ZNF777: variants seen among roughly 807,000 people sequenced by gnomAD.
The protein encoded by ZNF777 is zinc finger protein 777.
ZNF777 carries 7 observed loss-of-function variants against 72.1 expected under a neutral mutation model. That is an observed-to-expected ratio of 0.10 (90% confidence interval 0.06 to 0.18). The LOEUF (loss-of-function observed/expected upper bound fraction) is 0.18. Among genes scored for constraint, ZNF777 ranks in the 10% least tolerant of loss-of-function variants. The pLI, the probability that ZNF777 is intolerant of heterozygous loss-of-function variation, is 1.00. For missense variants in ZNF777, 828 were observed against 1,128.6 expected (o/e 0.73, Z 3.82); for synonymous variants, 545 against 483.5 (o/e 1.13, Z -1.67).
At chr7:149,438,432 G>A (rs1799454801) in intron 4 of ZNF777, among the ~76,000 whole-genome samples, 1 of 152,148 alleles carries the variant, frequency 6.6e-6, no homozygotes, top group Non-Finnish European at 1.5e-5. Context: ...TTTTGCTATG[G>A]TGAACAAATG....
In ZNF777 at chr7:149,440,589, C is replaced by A. The variant is rs1207916258; in HGVS notation, c.1088-3763G>T. Among the ~76,000 whole-genome samples, 5 of 151,214 alleles carry A rather than the reference C, an allele frequency of 3.3e-5. 1 individual carries two copies. On this transcript the variant is annotated intron_variant, in intron 4 of 5. Coordinates refer to ENST00000247930, the MANE Select transcript of ZNF777 (RefSeq NM_015694.3). ...CCCAGGTTGGTCTCAAACACCTGGA[C>A]TCAAGTGATCTTCCCATCTCGGCCT...
In ZNF777 at chr7:149,456,056, G is replaced by A. The variant is rs1799824991; in HGVS notation, c.-15-19C>T. On this transcript the variant is annotated intron_variant, in intron 1 of 5. Transcript: ENST00000247930. ...GCTGAACCTGTGTTCATGGAAGAAA[G>A]GAAAAGAGGATTAAAGGCCACAGTC... 6.6e-7 allele frequency: 1 copy of A among 1,523,000 alleles called. No individual in the cohort carries two copies. The highest frequency in any genetic ancestry group is 8.8e-7 in the Non-Finnish European group (1 of 1,135,930). 94.3% of individuals were successfully genotyped at this position (1,523,000 alleles called of 1,614,324 possible). A position where few individuals can be genotyped will look rare whatever the true frequency, so the allele number is the denominator to read the frequency against.
intron 1 of ZNF777, among the ~76,000 whole-genome samples, 176 bp from the exon 2 acceptor site, chr7:149,456,213 C>T (rs1799829509): frequency 6.6e-6 from 1 of 152,122 alleles, no homozygotes; most frequent in Non-Finnish European, 1.5e-5. Context: ...ATCAATTATA[C>T]CACTATTATG....
rs60475634 is a variant in ZNF777 at position 149,439,956 on chromosome 7, A to G, written c.1088-3130T>C. On this transcript the variant is annotated intron_variant, in intron 4 of 5. Coordinates refer to ENST00000247930, the MANE Select transcript of ZNF777 (RefSeq NM_015694.3). ...CTTATTGTAGAATGTACAGTTCAGAATCAATTTTAGTCTTTTTCATTTTTA... is the reference window on the plus strand; with the variant it reads ...CTTATTGTAGAATGTACAGTTCAGAGTCAATTTTAGTCTTTTTCATTTTTA... 2.7e-3 allele frequency among the ~76,000 whole-genome samples: 409 copies of G among 152,336 alleles called. 4 individuals carry two copies. Among genetic ancestry groups the G allele is most frequent in the African/African-American group, 9.4e-3 (390 of 41,584 alleles).
intron 4 of ZNF777, among the ~76,000 whole-genome samples, chr7:149,442,454 C>T (rs1003805204): frequency 3.3e-5 from 5 of 150,524 alleles, no homozygotes; most frequent in Non-Finnish European, 7.4e-5. Flanking sequence ...TCCGTCTCTA[C>T]TAAAAATACA....
intron 3 of ZNF777, 65 bp from the exon 4 acceptor site, chr7:149,451,177 T>A (rs1240088205): frequency 2.6e-5 from 37 of 1,412,474 alleles, no homozygotes; most frequent in Non-Finnish European, 3.5e-5. Flanking sequence ...TGTTAAGGTA[T>A]CATCTGTGGG....
In ZNF777 at chr7:149,432,428, T is replaced by C; in HGVS notation, c.1844A>G (p.His615Arg). The C allele has an allele frequency of 6.2e-7, 1 of 1,613,382 alleles. No individual in the cohort carries two copies. Among genetic ancestry groups the C allele is most frequent in the Non-Finnish European group, 8.5e-7 (1 of 1,179,918 alleles). ...PERGPTFNPK[H>R]ALKPRPKSPS... is the part of the protein sequence containing the mutation. The stretch of plus-strand genomic sequence containing the variant: ...TGACTTGGGACGCGGCTTGAGCGCG[T>C]GCTTGGGGTTGAACGTGGGCCCGCG... The change falls in exon 6 of 6, where the codon CAC becomes CGC. Residue 615 changes from histidine to arginine, a missense_variant. Physicochemically the swap from His to Arg is conservative, Grantham distance 29. Transcript: ENST00000247930.
intron 1 of ZNF777, among the ~76,000 whole-genome samples, chr7:149,458,546 C>CAAAACAAAACAAAA (rs1799878848): frequency 6.6e-6 from 1 of 151,322 alleles, no homozygotes; most frequent in African/African-American, 2.4e-5. Flanking sequence ...CAAAACAAAA[C>CAAAACAAAACAAAA]CCTCCAGTAT....
Position 149,436,678 on chromosome 7 carries a change from G to A in ZNF777, c.1236C>T (p.Asp412=). The change falls in exon 5 of 6, where the codon GAC becomes GAT. Residue 412 remains aspartate (D), a synonymous_variant. Coordinates refer to ENST00000247930, the MANE Select transcript of ZNF777 (RefSeq NM_015694.3). The surrounding 1 kb of genome is among the most constrained non-coding windows in gnomAD (Gnocchi z 5.0). The stretch of plus-strand genomic sequence containing the variant: ...TGTTCTCTGGCTCCTGCATGTCCAG[G>A]TCTGGCTGTTCCCCACAGGGGTCAC... The part of the protein sequence containing the change: ...ELGDPCGEQP[D]LDMQEPENTL... 1 of 1,614,134 alleles carries A rather than the reference G, an allele frequency of 6.2e-7. No individual in the cohort carries two copies. Among genetic ancestry groups the A allele is most frequent in the Non-Finnish European group, 8.5e-7 (1 of 1,180,042 alleles).
chr7:149,435,901 T>C (rs1053969944), intron 5 of ZNF777, among the ~76,000 whole-genome samples: 9 of 152,210 alleles, frequency 5.9e-5, no homozygotes, highest in Non-Finnish European at 1.3e-4. Context: ...TTGAGTAAAA[T>C]ATTTATTACC....
At chr7:149,447,052 G>A (rs943128784) in intron 4 of ZNF777, among the ~76,000 whole-genome samples, 4 of 152,150 alleles carry the variant, frequency 2.6e-5, no homozygotes, top group East Asian at 1.9e-4. Flanking sequence ...TCTGTTTCCC[G>A]TGATTCCTCT....
chr7:149,438,472 G>A (rs995548000), intron 4 of ZNF777, among the ~76,000 whole-genome samples: 1 of 152,126 alleles, frequency 6.6e-6, no homozygotes, highest in African/African-American at 2.4e-5. Context: ...AATATGTCAT[G>A]TACACACATA....
intron 5 of ZNF777, among the ~76,000 whole-genome samples, chr7:149,435,715 G>A (rs1180430955): frequency 6.6e-6 from 1 of 152,152 alleles, no homozygotes; most frequent in Non-Finnish European, 1.5e-5. Context: ...AAAAGTCCAT[G>A]TGGGTTCTAC....
intron 4 of ZNF777, among the ~76,000 whole-genome samples, chr7:149,450,667 C>T (rs1259874483): frequency 3.9e-5 from 6 of 152,228 alleles, no homozygotes; most frequent in Non-Finnish European, 8.8e-5. Context: ...TGGCCCTTTT[C>T]TCGGAAGTTC....
rs756086880 is a variant in ZNF777 at position 149,432,259 on chromosome 7, C to T, written c.2013G>A (p.Lys671=). The T allele has an allele frequency of 4.3e-6, 7 of 1,609,582 alleles. No homozygotes were observed. In the South Asian group the frequency reaches 5.5e-5, roughly 13 times the overall value. The change falls in exon 6 of 6, where the codon AAG becomes AAA. Residue 671 remains lysine (K), a synonymous_variant. Coordinates refer to ENST00000247930, the MANE Select transcript of ZNF777 (RefSeq NM_015694.3). ...ERPYTCPECK[K]SFRLHISLVI... is the part of the protein sequence containing the mutation. Reference sequence around the variant, plus strand: ...CCAAGCTGATGTGCAGGCGGAAGCTCTTCTTGCACTCGGGGCACGTGTAGG... The same window carrying T: ...CCAAGCTGATGTGCAGGCGGAAGCTTTTCTTGCACTCGGGGCACGTGTAGG...
chr7:149,445,314 A>G (rs1799584030), intron 4 of ZNF777, among the ~76,000 whole-genome samples: 1 of 152,052 alleles, frequency 6.6e-6, no homozygotes, highest in Admixed American at 6.6e-5. Context: ...TGTTCCTCTA[A>G]ATGTATTTTT....
rs1162283177 is a variant in ZNF777, at chr7:149,455,428, G to A, written c.595C>T (p.Leu199=). 1 of 1,614,082 alleles carries A rather than the reference G, an allele frequency of 6.2e-7. No homozygotes were observed. Among genetic ancestry groups the A allele is most frequent in the East Asian group, 2.2e-5 (1 of 44,882 alleles). The change falls in exon 2 of 6, where the codon CTG becomes TTG. Residue 199 remains leucine, a synonymous_variant. Transcript: ENST00000247930. The surrounding 1 kb of genome is among the most constrained non-coding windows in gnomAD (Gnocchi z 4.2). ...WAAVQAVERK[L]EAQAMRLLTL... ...AGTAGCCTCATGGCCTGGGCCTCCA[G>A]CTTCCTCTCCACTGCTTGGACGGCA... is the stretch of plus-strand genomic sequence containing the variant.
chr7:149,455,073 TTTTCC>T lies in ZNF777; in HGVS notation c.846+99_846+103del. On this transcript the variant is annotated intron_variant, in intron 2 of 5. Coordinates refer to ENST00000247930, the MANE Select transcript of ZNF777 (RefSeq NM_015694.3). This position sits in a 1 kb window ranked among gnomAD's most constrained non-coding sequence, Gnocchi z 4.2. ...TCCTAGCAACTGGGATCACTGTATT[TTTTCC>T]TTTATCAACCACCCCTTTCTTTCAT... 1 of 1,409,684 alleles carries T rather than the reference TTTTCC, an allele frequency of 7.1e-7. No homozygotes were observed. The highest frequency in any genetic ancestry group is 9.6e-7 in the Non-Finnish European group (1 of 1,042,476). The allele number at this position is 1,409,684 out of a possible 1,614,324, so 87.3% of individuals were successfully genotyped here. A position where few individuals can be genotyped will look rare whatever the true frequency, so the allele number is the denominator to read the frequency against.
At position 149,436,006 on chromosome 7, in the gene ZNF777, C is replaced by A. The variant is rs538637526; in HGVS notation, c.1339+569G>T. On this transcript the variant is annotated intron_variant, in intron 5 of 5. Transcript: ENST00000247930. This position sits in a 1 kb window ranked among gnomAD's most constrained non-coding sequence, Gnocchi z 5.0. ...TGGCTCAGCATCAGAAAATCCATCA[C>A]GAAAGATGTCCTGGGATCAGGCCAC... 1.3e-5 allele frequency among the ~76,000 whole-genome samples: 2 copies of A among 152,152 alleles called. No individual in the cohort carries two copies. Among genetic ancestry groups the A allele is most frequent in the South Asian group, 2.1e-4 (1 of 4,830 alleles).
Sources: gnomAD v4.1 joint callset for allele counts (sites outside exome capture counted in the v4.1 genomes callset) on GRCh38, gnomAD v4.1.1 for gene constraint, Gnocchi (gnomAD v3.1) non-coding constraint, MANE v1.5 for transcripts, NCBI Gene and HGNC (gene_info 2026-07-23, HGNC 2026-07-21) for gene names.